PXDC1: variants seen among roughly 807,000 people sequenced by gnomAD.
PXDC1 encodes the protein PX domain-containing protein 1.
A neutral mutation model predicts 24.4 loss-of-function variants in PXDC1; 13 were observed. The observed-to-expected ratio is 0.53, with a 90% CI of 0.35 to 0.85. The LOEUF is 0.85. PXDC1 is among the 40% of genes least tolerant of loss of function. PXDC1 has a pLI of 0.01. For missense variants in PXDC1, 344 were observed against 309.3 expected, an observed-to-expected ratio of 1.11 and a Z score of -0.84; for synonymous variants, 162 against 124.9, an observed-to-expected ratio of 1.30 and a Z score of -1.98.
At chr6:3,729,733 C>T (rs1581242341) in intron 3 of PXDC1, among the ~76,000 whole-genome samples, 1 of 152,184 alleles carries the variant, frequency 6.6e-6, no homozygotes, top group African/African-American at 2.4e-5. Context: ...TTAACTCTGA[C>T]CCAAATCTGT....
At chr6:3,746,063 G>A (rs934480609) in intron 1 of PXDC1, among the ~76,000 whole-genome samples, 2 of 152,212 alleles carry the variant, frequency 1.3e-5, no homozygotes, top group Admixed American at 1.3e-4. Context: ...CTCAGATCAA[G>A]GTGCTCCTGA....
At chr6:3,733,263 C>T (rs1471098720) in intron 3 of PXDC1, among the ~76,000 whole-genome samples, 4 of 152,140 alleles carry the variant, frequency 2.6e-5, no homozygotes, top group Non-Finnish European at 5.9e-5. Flanking sequence ...CTCTGGACCC[C>T]GCGCCTCAGC....
At chr6:3,733,719 C>G (rs1362576447) in intron 3 of PXDC1, among the ~76,000 whole-genome samples, 2 of 152,204 alleles carry the variant, frequency 1.3e-5, no homozygotes, top group East Asian at 3.9e-4. Flanking sequence ...CTGTTAGCCA[C>G]TGGCTGGTGC....
chr6:3,730,756 C>A (rs1760177321), intron 3 of PXDC1, among the ~76,000 whole-genome samples: 1 of 152,202 alleles, frequency 6.6e-6, no homozygotes, highest in Non-Finnish European at 1.5e-5. Context: ...GACCAGGGAG[C>A]CTGACTTGTA....
chr6:3,723,453 C>T lies in PXDC1; in HGVS notation c.*166G>A. ...GGTCAGCCTGGCCCACTAGGAGCCCCTGCTGCTCCACTTGCAGGACACCCA... is the reference window on the plus strand; with the variant it reads ...GGTCAGCCTGGCCCACTAGGAGCCCTTGCTGCTCCACTTGCAGGACACCCA... On this transcript the variant is annotated 3_prime_UTR_variant, in exon 5 of 5. Transcript: ENST00000380283. 1.5e-6 allele frequency: 1 copy of T among 662,358 alleles called. No individual in the cohort carries two copies. Among genetic ancestry groups the T allele is most frequent in the Non-Finnish European group, 2.7e-6 (1 of 366,744 alleles). The allele number at this position is 662,358 out of a possible 1,614,324, so 41.0% of individuals were successfully genotyped here.
At chr6:3,748,071 A>T (rs1760608506) in intron 1 of PXDC1, among the ~76,000 whole-genome samples, 1 of 152,210 alleles carries the variant, frequency 6.6e-6, no homozygotes, top group Admixed American at 6.5e-5. Flanking sequence ...TCAAAATGCC[A>T]ACAAGGAAAT....
chr6:3,749,122 C>T (rs967363769), intron 1 of PXDC1, among the ~76,000 whole-genome samples: 2 of 152,056 alleles, frequency 1.3e-5, no homozygotes, highest in Non-Finnish European at 2.9e-5. Flanking sequence ...CAACTAACTG[C>T]CCCTCAGAAA....
At position 3,728,388 on chromosome 6, in the gene PXDC1, G is replaced by C. The variant is rs1760118865; in HGVS notation, c.467-726C>G. ...TACAATATTGGTTGCCCATTCCTGA[G>C]TTACTTCTCAGTGTGCATTTTAAAC... On this transcript the variant is annotated intron_variant, in intron 3 of 4. Coordinates refer to ENST00000380283, the MANE Select transcript of PXDC1 (RefSeq NM_183373.4). The surrounding 1 kb of genome is among the most constrained non-coding windows in gnomAD (Gnocchi z 4.0). Among the ~76,000 whole-genome samples the C allele has an allele frequency of 6.6e-6, 1 of 152,188 alleles. No individual in the cohort carries two copies. Among genetic ancestry groups the C allele is most frequent in the African/African-American group, 2.4e-5 (1 of 41,432 alleles).
At chr6:3,751,005 G>A in intron 1 of PXDC1, 3 of 433,988 alleles carry the variant, frequency 6.9e-6, no homozygotes, top group Non-Finnish European at 1.2e-5. Context: ...CTCAGGGAGA[G>A]TCCGGCGCCC....
Position 3,723,765 on chromosome 6 carries a change from G to A in PXDC1, c.579-29C>T, listed in dbSNP as rs1443817351. 6 of 1,577,388 alleles carry A rather than the reference G, an allele frequency of 3.8e-6. No homozygotes were observed. The South Asian group carries it at 6.6e-5, about 17-fold the overall frequency. On this transcript the variant is annotated intron_variant, in intron 4 of 4. Transcript: ENST00000380283. ...AAATTAGAGAAACCAGAGGTGAGGG[G>A]TGGCTCATTGTTGGGATCAACACCA...
intron 3 of PXDC1, among the ~76,000 whole-genome samples, chr6:3,736,807 A>T (rs1469167906): frequency 2.0e-5 from 3 of 152,190 alleles, no homozygotes; most frequent in East Asian, 3.9e-4. Flanking sequence ...CTCTATCATC[A>T]ATGTGTTTGT....
rs1760056015 is a variant in PXDC1, at chr6:3,725,968, C to T, written c.578+1583G>A. Among the ~76,000 whole-genome samples the T allele has an allele frequency of 7.9e-6, 1 of 125,922 alleles. No homozygotes were observed. The highest frequency in any genetic ancestry group is 7.3e-5 in the Admixed American group (1 of 13,774). The allele number at this position is 125,922 out of a possible 152,430, so 82.6% of individuals were successfully genotyped here. On this transcript the variant is annotated intron_variant, in intron 4 of 4. Coordinates refer to ENST00000380283, the MANE Select transcript of PXDC1 (RefSeq NM_183373.4). This position sits in a 1 kb window ranked among gnomAD's most constrained non-coding sequence, Gnocchi z 4.8. ...GCCGCCTATTCAAGACCTGTCACTC[C>T]TGTGCACATGCAGTCAGTCCCGGGC... is the stretch of plus-strand genomic sequence containing the variant.
chr6:3,751,438 G>A lies in PXDC1; in HGVS notation c.94C>T (p.Arg32Cys), dbSNP rs774074843. The change falls in exon 1 of 5, where the codon CGC (arginine) becomes TGC (cysteine). Residue 32 changes from arginine to cysteine, a missense_variant. Transcript: ENST00000380283. ...NGIRRLIVSR[R>C]GDEEEFFEIR... ...TCGAAGAACTCCTCTTCGTCGCCGC[G>A]CCGGCTGACGATGAGCCTGCGGATG... 5.7e-6 allele frequency: 9 copies of A among 1,592,306 alleles called. No homozygotes were observed. The highest frequency in any genetic ancestry group is 1.7e-5 in the Admixed American group (1 of 57,812).
rs1460106752 is a variant in PXDC1 at position 3,728,282 on chromosome 6, A to AC, written c.467-621dup. 2.0e-5 allele frequency among the ~76,000 whole-genome samples: 3 copies of AC among 152,056 alleles called. No homozygotes were observed. The highest frequency in any genetic ancestry group is 1.3e-4 in the Admixed American group (2 of 15,268). On this transcript the variant is annotated intron_variant, in intron 3 of 4. Coordinates refer to ENST00000380283, the MANE Select transcript of PXDC1 (RefSeq NM_183373.4). This position sits in a 1 kb window ranked among gnomAD's most constrained non-coding sequence, Gnocchi z 4.0. Reference sequence around the variant, plus strand: ...CCCAGTAAGTAGTCTTTTATCCCTCACCCCACGAACCCAAAGTCCATGATA... The same window carrying AC: ...CCCAGTAAGTAGTCTTTTATCCCTCACCCCCACGAACCCAAAGTCCATGATA...
rs1228938486 is a variant in PXDC1 at position 3,724,932 on chromosome 6, T to G, written c.579-1196A>C. On this transcript the variant is annotated intron_variant, in intron 4 of 4. Transcript: ENST00000380283. The surrounding 1 kb of genome is among the most constrained non-coding windows in gnomAD (Gnocchi z 4.5). ...TGCAGAGGAAGGCCTCCCCTCTGACTCCATGGCCAGGCCTGGAGTGTGGTG... is the reference window on the plus strand; with the variant it reads ...TGCAGAGGAAGGCCTCCCCTCTGACGCCATGGCCAGGCCTGGAGTGTGGTG... Among the ~76,000 whole-genome samples, 2 of 152,092 alleles carry G rather than the reference T, an allele frequency of 1.3e-5. No individual in the cohort carries two copies. The highest frequency in any genetic ancestry group is 4.8e-5 in the African/African-American group (2 of 41,416).
rs910041978 is a variant in PXDC1, at chr6:3,725,825, G to A, written c.578+1726C>T. ...GAGAAAGGCCCGGCAAGCCCAAGTC[G>A]GAACTCCCTCCAGATGCTCCCGAGC... On this transcript the variant is annotated intron_variant, in intron 4 of 4. Coordinates refer to ENST00000380283, the MANE Select transcript of PXDC1 (RefSeq NM_183373.4). This position sits in a 1 kb window ranked among gnomAD's most constrained non-coding sequence, Gnocchi z 4.8. Among the ~76,000 whole-genome samples the A allele has an allele frequency of 1.2e-4, 18 of 152,310 alleles. No homozygotes were observed. The highest frequency in any genetic ancestry group is 3.8e-4 in the African/African-American group (16 of 41,570).
intron 1 of PXDC1, among the ~76,000 whole-genome samples, chr6:3,744,016 G>T (rs1473195527): frequency 6.6e-6 from 1 of 152,234 alleles, no homozygotes; most frequent in East Asian, 1.9e-4. Flanking sequence ...GCTGCCTTCT[G>T]TACCTGGGAG....
intron 1 of PXDC1, among the ~76,000 whole-genome samples, chr6:3,746,114 T>C (rs2127602415): frequency 6.6e-6 from 1 of 152,276 alleles, no homozygotes; most frequent in East Asian, 1.9e-4. Context: ...CTGCAGCTTT[T>C]CAGTGCCAAC....
At chr6:3,747,222 G>A (rs1015150227) in intron 1 of PXDC1, among the ~76,000 whole-genome samples, 1 of 151,988 alleles carries the variant, frequency 6.6e-6, no homozygotes, top group Non-Finnish European at 1.5e-5. Context: ...AAACTCTGGG[G>A]TCATCTGCAC....
Sources: gnomAD v4.1 joint callset for allele counts (sites outside exome capture counted in the v4.1 genomes callset) on GRCh38, gnomAD v4.1.1 for gene constraint, Gnocchi (gnomAD v3.1) non-coding constraint, MANE v1.5 for transcripts, NCBI Gene and HGNC (gene_info 2026-07-23, HGNC 2026-07-21) for gene names.